Variants in PRH1 observed in about 807,000 individuals in gnomAD.
PRH1 encodes the protein salivary acidic proline-rich phosphoprotein 1/2.
PRH1 carries 7 observed loss-of-function variants against 7.9 expected under a neutral mutation model. The ratio of observed to expected loss-of-function variants is 0.89; its 90% CI spans 0.50 to 1.67. PRH1 has a LOEUF of 1.67. PRH1 is among the 40% of genes most tolerant of loss of function. The pLI is 0.00. For missense variants in PRH1, 109 were observed against 223.6 expected (o/e 0.49, Z 3.27); for synonymous variants, 45 against 80.8 (o/e 0.56, Z 2.38).
At chr12:10,921,092 CT>C (rs542960256) in intron 2 of PRH1, among the ~76,000 whole-genome samples, 33 of 151,674 alleles carry the variant, frequency 2.2e-4, no homozygotes, top group Admixed American at 9.9e-4. Context: ...TACTTTTACA[CT>C]TTTTTTTAGC....
intron 1 of PRH1, among the ~76,000 whole-genome samples, chr12:11,029,279 T>C (rs1480685526): frequency 4.6e-5 from 7 of 152,284 alleles, no homozygotes; most frequent in Admixed American, 1.3e-4. Context: ...TTAAAGAATA[T>C]GTCAACACCC....
chr12:11,031,301 A>G (rs750774819), intron 1 of PRH1: 2 of 1,613,298 alleles, frequency 1.2e-6, no homozygotes, highest in African/African-American at 2.7e-5. Flanking sequence ...AACCACTACC[A>G]CACTGGAAAA....
Position 11,099,754 on chromosome 12 carries a change from T to C in PRH1, n.124-52566A>G, listed in dbSNP as rs146264624. Reference sequence around the variant, plus strand: ...AATCCAAAGACATGTGAGATATATATGTCTAATGTTTTAGAGGGTCTTCTC... The same window carrying C: ...AATCCAAAGACATGTGAGATATATACGTCTAATGTTTTAGAGGGTCTTCTC... On this transcript the variant is annotated intron_variant and non_coding_transcript_variant, in intron 1 of 4. Coordinates refer to the PRH1 transcript ENST00000541977. 5.3e-3 allele frequency among the ~76,000 whole-genome samples: 813 copies of C among 152,264 alleles called. 15 individuals carry two copies. Among genetic ancestry groups the C allele is most frequent in the African/African-American group, 0.019 (771 of 41,542 alleles).
intron 2 of PRH1, chr12:10,909,526 C>A: frequency 2.1e-6 from 1 of 465,422 alleles, no homozygotes; most frequent in Non-Finnish European, 3.9e-6. Context: ...CTCTGCTGAG[C>A]CCTAGCTAAG....
chr12:11,021,274 G>C (rs1941612428), intron 1 of PRH1, among the ~76,000 whole-genome samples: 1 of 151,406 alleles, frequency 6.6e-6, no homozygotes, highest in Non-Finnish European at 1.5e-5. Flanking sequence ...GTTCACCAAT[G>C]ATAGTTAAGC....
chr12:11,059,890 T>C (rs1231699068), intron 1 of PRH1, among the ~76,000 whole-genome samples: 6 of 152,146 alleles, frequency 3.9e-5, no homozygotes, highest in African/African-American at 1.4e-4. Context: ...AAATATCATT[T>C]TTGACCATCT....
intron 2 of PRH1, among the ~76,000 whole-genome samples, chr12:10,898,281 T>C (rs1949677034): frequency 6.6e-6 from 1 of 152,102 alleles, no homozygotes; most frequent in Admixed American, 6.6e-5. Context: ...GGAGATATAA[T>C]ATAGGCCTAA....
chr12:11,044,477 A>T (rs1298980951), intron 1 of PRH1, among the ~76,000 whole-genome samples: 1 of 152,154 alleles, frequency 6.6e-6, no homozygotes, highest in East Asian at 1.9e-4. Flanking sequence ...TGCACAGCAA[A>T]GGGTACAATC....
intron 2 of PRH1, among the ~76,000 whole-genome samples, chr12:10,914,486 G>A (rs1181893615): frequency 6.6e-6 from 1 of 152,214 alleles, no homozygotes; most frequent in Non-Finnish European, 1.5e-5. Context: ...GGTGACACCT[G>A]TCTAAGGTTA....
chr12:10,928,308 A>G (rs763761034), intron 2 of PRH1, among the ~76,000 whole-genome samples: 2 of 152,230 alleles, frequency 1.3e-5, no homozygotes, highest in Non-Finnish European at 2.9e-5. Flanking sequence ...GGCATTACAA[A>G]TCATCAAGTT....
intron 1 of PRH1, among the ~76,000 whole-genome samples, chr12:10,980,227 A>G (rs1295791823): frequency 1.3e-5 from 2 of 152,214 alleles, no homozygotes; most frequent in African/African-American, 4.8e-5. Flanking sequence ...CTTAAGAACT[A>G]TGATTACTGC....
At chr12:11,151,487 T>A (rs61928564) in intron 1 of PRH1, among the ~76,000 whole-genome samples, 69,134 of 151,942 alleles carry the variant, frequency 0.46, 16,532 homozygotes, top group Non-Finnish European at 0.52. Flanking sequence ...AATTTCACAG[T>A]CTCCTTTTAA....
At chr12:11,028,112 C>G (rs1324149866) in intron 1 of PRH1, among the ~76,000 whole-genome samples, 1 of 152,174 alleles carries the variant, frequency 6.6e-6, no homozygotes, top group Non-Finnish European at 1.5e-5. Context: ...GGTCATCCTT[C>G]TATTTGGGAC....
chr12:10,886,439 C>T (rs1280238932), upstream of PRH1, among the ~76,000 whole-genome samples: 6 of 152,204 alleles, frequency 3.9e-5, no homozygotes, highest in Admixed American at 3.9e-4. Context: ...CCCTAACCTG[C>T]TCCAATGTCA....
chr12:11,017,650 A>T (rs1941362137), intron 1 of PRH1, among the ~76,000 whole-genome samples: 1 of 151,744 alleles, frequency 6.6e-6, no homozygotes, highest in African/African-American at 2.4e-5. Flanking sequence ...ATGCCTGGCT[A>T]AATTTTTTTG....
intron 2 of PRH1, chr12:10,929,434 A>G: frequency 2.0e-6 from 3 of 1,465,610 alleles, no homozygotes; most frequent in East Asian, 4.6e-5. Context: ...AGGATGAGAA[A>G]ACAGATAGGA....
intron 2 of PRH1, among the ~76,000 whole-genome samples, chr12:10,971,204 C>T (rs1325172152): frequency 6.6e-6 from 1 of 152,174 alleles, no homozygotes; most frequent in Non-Finnish European, 1.5e-5. Flanking sequence ...TTCCTCCTCC[C>T]TACTATCCAT....
chr12:11,075,472 G>A (rs1344230406), intron 1 of PRH1, among the ~76,000 whole-genome samples: 1 of 109,270 alleles, frequency 9.2e-6, no homozygotes, highest in African/African-American at 3.1e-5. Flanking sequence ...AGAAAGAGAT[G>A]TTCCCTAAAA....
chr12:10,919,920 T>C (rs1950023249), intron 2 of PRH1, among the ~76,000 whole-genome samples: 1 of 151,630 alleles, frequency 6.6e-6, no homozygotes, highest in Admixed American at 6.6e-5. Context: ...TTTTTTTTTT[T>C]TCCTGACAGA....
Sources: gnomAD v4.1 joint callset for allele counts (sites outside exome capture counted in the v4.1 genomes callset) on GRCh38, gnomAD v4.1.1 for gene constraint, MANE v1.5 for transcripts, NCBI Gene and HGNC (gene_info 2026-07-23, HGNC 2026-07-21) for gene names.